GOSR2: variants seen among roughly 807,000 people sequenced by gnomAD.
GOSR2 encodes the protein 27 kDa Golgi SNARE protein.
A neutral mutation model predicts 27.9 loss-of-function variants in GOSR2; 20 were observed. That is an observed-to-expected ratio of 0.72 (90% CI 0.50 to 1.04). The LOEUF (loss-of-function observed/expected upper bound fraction) is 1.04. Ranked by LOEUF, GOSR2 falls within the 50% of genes least tolerant of loss-of-function variation. GOSR2 has a pLI of 0.00. For synonymous variants in GOSR2, 91 were observed against 98.8 expected, an observed-to-expected ratio of 0.92 and a Z score of 0.47; for missense variants, 261 against 270.5, an observed-to-expected ratio of 0.97 and a Z score of 0.25.
chr17:46,933,375 G>A (rs1468843532), intron 4 of GOSR2: 1 of 152,230 alleles, frequency 6.6e-6, no homozygotes, highest in Admixed American at 6.5e-5. Flanking sequence ...ATTTGTATGT[G>A]AATGGCATTT....
intron 6 of GOSR2, among the ~76,000 whole-genome samples, chr17:46,956,057 A>C (rs752461875): frequency 5.3e-5 from 8 of 152,178 alleles, no homozygotes; most frequent in Non-Finnish European, 1.2e-4. Context: ...ACGGAGTCTG[A>C]ACCCCATAGA....
downstream of GOSR2, among the ~76,000 whole-genome samples, chr17:46,975,843 G>A (rs373980779): frequency 1.3e-5 from 2 of 152,124 alleles, no homozygotes; most frequent in South Asian, 4.2e-4. Context: ...ATTCAGAACA[G>A]TTAACTTTGC....
At chr17:46,931,589 C>A in intron 3 of GOSR2, 1 of 314,214 alleles carries the variant, frequency 3.2e-6, no homozygotes, top group Non-Finnish European at 5.9e-6. Flanking sequence ...TCAGTCCACC[C>A]ATAATGAAAT....
chr17:46,949,945 C>G (rs1268245272), intron 6 of GOSR2, among the ~76,000 whole-genome samples: 1 of 152,208 alleles, frequency 6.6e-6, no homozygotes, highest in African/African-American at 2.4e-5. Context: ...TCATTAGTCC[C>G]TGCCCTCCTC....
intron 6 of GOSR2, among the ~76,000 whole-genome samples, chr17:46,960,739 G>A (rs2091003272): frequency 6.6e-6 from 1 of 152,218 alleles, no homozygotes; most frequent in Non-Finnish European, 1.5e-5. Flanking sequence ...AGATAAGTGT[G>A]AGAAGCCAGA....
intron 2 of GOSR2, 145 bp downstream of exon 2, chr17:46,929,729 T>C (rs1864218754): frequency 1.6e-6 from 1 of 642,190 alleles, no homozygotes; most frequent in Non-Finnish European, 2.8e-6. Context: ...AAAAACCCTA[T>C]GGCAAAGTCA....
downstream of GOSR2, among the ~76,000 whole-genome samples, chr17:46,968,492 C>T (rs1487553342): frequency 6.6e-6 from 1 of 152,252 alleles, no homozygotes; most frequent in African/African-American, 2.4e-5. Context: ...ATAACACCCT[C>T]CACCAGCCAC....
intron 6 of GOSR2, among the ~76,000 whole-genome samples, chr17:46,954,860 A>G (rs1467591810): frequency 1.3e-5 from 2 of 152,186 alleles, no homozygotes; most frequent in Non-Finnish European, 2.9e-5. Context: ...ATTTTTGCAC[A>G]TTGATTTTGT....
chr17:46,960,822 C>T (rs897298655), intron 6 of GOSR2, among the ~76,000 whole-genome samples: 1 of 152,120 alleles, frequency 6.6e-6, no homozygotes, highest in African/African-American at 2.4e-5. Context: ...GGACAAAGAA[C>T]AGATCAGTAG....
At chr17:46,937,776 T>G (rs2088639499) in intron 5 of GOSR2, 1 of 152,284 alleles carries the variant, frequency 6.6e-6, no homozygotes. Context: ...AGTCAGGTAC[T>G]TTTTATTGCA....
chr17:46,931,528 T>C, intron 3 of GOSR2: 1 of 411,518 alleles, frequency 2.4e-6, no homozygotes, highest in Non-Finnish European at 4.4e-6. Flanking sequence ...TTTGTTCTGC[T>C]CTTTGGTTCC....
Position 46,929,581 on chromosome 17 carries a change from C to A in GOSR2, c.91C>A (p.His31Asn). 6.8e-7 allele frequency: 1 copy of A among 1,471,786 alleles called. No individual in the cohort carries two copies. Among genetic ancestry groups the A allele is most frequent in the Non-Finnish European group, 9.5e-7 (1 of 1,049,966 alleles). The allele number at this position is 1,471,786 out of a possible 1,614,324, so 91.2% of individuals were successfully genotyped here. A position where few individuals can be genotyped will look rare whatever the true frequency, so the allele number is the denominator to read the frequency against. The change falls in exon 2 of 6, where the codon CAC becomes AAC. Residue 31 changes from histidine to asparagine, a missense_variant. By Grantham distance (68) the His-to-Asn change is moderately conservative (BLOSUM62 1). Coordinates refer to ENST00000640051, the MANE Select transcript of GOSR2 (RefSeq NM_004287.5). ...RLETADKQSV[H>N]IVENEIQASI... ...GGAGACGGCAGACAAGCAGTCTGTG[C>A]ACAGTGAGTAATTAACTGTGGAGAC... is the stretch of plus-strand genomic sequence containing the variant.
At chr17:46,947,871 C>T (rs1387848391) in intron 6 of GOSR2, among the ~76,000 whole-genome samples, 2 of 152,164 alleles carry the variant, frequency 1.3e-5, no homozygotes, top group Non-Finnish European at 2.9e-5. Flanking sequence ...CGGGTTCAAG[C>T]GACTCTCCTG....
At chr17:46,936,725 G>C in intron 5 of GOSR2, 1 of 984,910 alleles carries the variant, frequency 1.0e-6, no homozygotes, top group Non-Finnish European at 1.2e-6. Context: ...TAATCTGTGT[G>C]TTCAGAGCCA....
downstream of GOSR2, among the ~76,000 whole-genome samples, chr17:46,945,715 C>G (rs2089796337): frequency 6.6e-6 from 1 of 152,156 alleles, no homozygotes; most frequent in Non-Finnish European, 1.5e-5. Context: ...TTCTGGCCTC[C>G]TCTAAGAGTT....
chr17:46,953,133 G>A (rs149015117), intron 6 of GOSR2, among the ~76,000 whole-genome samples: 328 of 151,782 alleles, frequency 2.2e-3, no homozygotes, highest in African/African-American at 7.7e-3. Flanking sequence ...TGCCATGTTG[G>A]TGTGCTGCAC....
rs530225150 is a variant in GOSR2 at position 46,932,393 on chromosome 17, A to G, written c.336+194A>G. 36 of 642,418 alleles carry G rather than the reference A, an allele frequency of 5.6e-5. No individual in the cohort carries two copies. In the South Asian group the frequency reaches 6.4e-4, roughly 11 times the overall value. The allele number at this position is 642,418 out of a possible 1,614,324, so 39.8% of individuals were successfully genotyped here. Reference sequence around the variant, plus strand: ...ACAGAGAATCCCTTTTTCTAAGACAAAAACCTGAAGAGGAAGCAGTTAAAT... The same window carrying G: ...ACAGAGAATCCCTTTTTCTAAGACAGAAACCTGAAGAGGAAGCAGTTAAAT... On this transcript the variant is annotated intron_variant, in intron 4 of 5. Transcript: ENST00000640051.
Position 46,939,121 on chromosome 17 carries a change from C to T in GOSR2, c.*361C>T, listed in dbSNP as rs919051435. 2.3e-5 allele frequency: 27 copies of T among 1,157,650 alleles called. No homozygotes were observed. The highest frequency in any genetic ancestry group is 2.9e-5 in the Non-Finnish European group (27 of 925,874). 71.7% of individuals were successfully genotyped at this position (1,157,650 alleles called of 1,614,324 possible). On this transcript the variant is annotated 3_prime_UTR_variant, in exon 6 of 6. Transcript: ENST00000640051. ...AGCCCTGTGTGCAGGACTGTCCACA[C>T]GGTTCACACCTTGTCACCATCAGGC...
Position 46,929,531 on chromosome 17 carries a change from A to G in GOSR2, c.41A>G (p.Glu14Gly). 6.4e-7 allele frequency: 1 copy of G among 1,552,294 alleles called. No individual in the cohort carries two copies. Among genetic ancestry groups the G allele is most frequent in the Non-Finnish European group, 8.9e-7 (1 of 1,123,720 alleles). The change falls in exon 2 of 6, where the codon GAG becomes GGG. Residue 14 changes from glutamate (E) to glycine (G), a missense_variant. Coordinates refer to ENST00000640051, the MANE Select transcript of GOSR2 (RefSeq NM_004287.5). ...LFQQTHKQVH[E>G]IQSCMGRLET... ...TCTTCCTTTGATAGGCAGGTCCACG[A>G]GATCCAGTCTTGCATGGGACGCCTG... is the stretch of plus-strand genomic sequence containing the variant.
Sources: allele counts gnomAD v4.1 joint callset (sites outside exome capture counted in the v4.1 genomes callset), GRCh38; gene constraint gnomAD v4.1.1; transcripts MANE v1.5; gene names NCBI Gene and HGNC (gene_info 2026-07-23, HGNC 2026-07-21).